The following GIPC2 variants were observed in gnomAD, a reference collection of about 807,000 sequenced individuals.
GIPC2 encodes the protein GIPC PDZ domain containing family member 2, also known as PDZ domain-containing protein GIPC2.
In GIPC2, 30 loss-of-function variants were observed where a neutral mutation model predicts 30.6. The observed-to-expected ratio is 0.98, with a 90% CI of 0.73 to 1.33. The LOEUF (loss-of-function observed/expected upper bound fraction) is 1.33, where lower values mean the gene tolerates loss of function less well. Ranked by LOEUF, GIPC2 falls within the 40% of genes most tolerant of loss-of-function variation. The pLI is 0.00. For missense variants in GIPC2, 414 were observed against 390.3 expected (o/e 1.06, Z -0.51); for synonymous variants, 167 against 150.0 (o/e 1.11, Z -0.83).
chr1:78,117,153 AC>A (rs1444026052), intron 3 of GIPC2, among the ~76,000 whole-genome samples: 4 of 152,234 alleles, frequency 2.6e-5, no homozygotes, highest in Non-Finnish European at 5.9e-5. Flanking sequence ...CAAGAAAAAA[AC>A]AACCTCATGA....
chr1:78,062,334 G>A (rs1412758620), intron 1 of GIPC2, among the ~76,000 whole-genome samples: 1 of 152,036 alleles, frequency 6.6e-6, no homozygotes, highest in Non-Finnish European at 1.5e-5. Flanking sequence ...TTCTGGGTGT[G>A]GTTGGGTATT....
intron 3 of GIPC2, among the ~76,000 whole-genome samples, chr1:78,110,384 A>G (rs1009829222): frequency 1.3e-5 from 2 of 152,198 alleles, no homozygotes; most frequent in African/African-American, 4.8e-5. Context: ...GAAATCACCC[A>G]ATATTTAAAA....
chr1:78,074,218 C>A (rs967262604), intron 1 of GIPC2, among the ~76,000 whole-genome samples: 1 of 151,914 alleles, frequency 6.6e-6, no homozygotes, highest in Admixed American at 6.6e-5. Flanking sequence ...TAAATTGAGC[C>A]TTTTTATTTA....
chr1:78,065,772 A>G (rs931651995), intron 1 of GIPC2, among the ~76,000 whole-genome samples: 3 of 152,234 alleles, frequency 2.0e-5, no homozygotes, highest in Admixed American at 6.5e-5. Context: ...GGTCCTTGAC[A>G]TACCTGACAA....
At chr1:78,058,062 A>G (rs984448940) in intron 1 of GIPC2, among the ~76,000 whole-genome samples, 6 of 152,220 alleles carry the variant, frequency 3.9e-5, no homozygotes, top group Non-Finnish European at 7.3e-5. Context: ...CATCATTTAT[A>G]TGGCCACTCT....
At chr1:78,117,410 TC>T (rs1254702567) in intron 3 of GIPC2, among the ~76,000 whole-genome samples, 1 of 152,160 alleles carries the variant, frequency 6.6e-6, no homozygotes, top group East Asian at 1.9e-4. Flanking sequence ...ACAATTTTTT[TC>T]CACAGATGGG....
chr1:78,110,600 G>T (rs960633707), intron 3 of GIPC2, among the ~76,000 whole-genome samples: 3 of 152,218 alleles, frequency 2.0e-5, no homozygotes, highest in African/African-American at 7.2e-5. Flanking sequence ...TTCTGGAAGG[G>T]ATAGAGAACG....
At chr1:78,049,428 G>A (rs751159126) in intron 1 of GIPC2, among the ~76,000 whole-genome samples, 3 of 152,106 alleles carry the variant, frequency 2.0e-5, no homozygotes, top group Non-Finnish European at 2.9e-5. Context: ...CCCAAAGTGC[G>A]TGAACCACCA....
At chr1:78,054,241 A>G (rs1443898580) in intron 1 of GIPC2, among the ~76,000 whole-genome samples, 1 of 152,190 alleles carries the variant, frequency 6.6e-6, no homozygotes, top group Non-Finnish European at 1.5e-5. Context: ...ATTTGCACAT[A>G]AGATTGAATT....
chr1:78,095,494 T>G (rs1557541019), intron 3 of GIPC2, among the ~76,000 whole-genome samples: 1 of 152,214 alleles, frequency 6.6e-6, no homozygotes, highest in Non-Finnish European at 1.5e-5. Context: ...TAATAACTGT[T>G]GCTCATGGAT....
At chr1:78,100,977 CACACAT>C (rs1326217840) in intron 3 of GIPC2, among the ~76,000 whole-genome samples, 5 of 146,324 alleles carry the variant, frequency 3.4e-5, no homozygotes, top group African/African-American at 1.0e-4. Flanking sequence ...CACACACACA[CACACAT>C]ACACACGAGG....
At chr1:78,066,014 A>G (rs186879112) in intron 1 of GIPC2, among the ~76,000 whole-genome samples, 7 of 152,356 alleles carry the variant, frequency 4.6e-5, no homozygotes, top group Admixed American at 4.6e-4. Flanking sequence ...CATCAAAAGC[A>G]ATTGCAAGAA....
intron 2 of GIPC2, chr1:78,092,032 C>T (rs1005535081): frequency 2.7e-5 from 42 of 1,529,520 alleles, no homozygotes; most frequent in African/African-American, 4.1e-5. Context: ...GACTCATCGC[C>T]CTCCTGTCTA....
At chr1:78,060,430 C>A (rs1465128848) in intron 1 of GIPC2, among the ~76,000 whole-genome samples, 1 of 152,116 alleles carries the variant, frequency 6.6e-6, no homozygotes, top group East Asian at 1.9e-4. Context: ...TAGGTGTGTA[C>A]CACTGCAGCC....
intron 3 of GIPC2, among the ~76,000 whole-genome samples, chr1:78,100,111 A>C (rs773385302): frequency 3.3e-5 from 5 of 152,236 alleles, no homozygotes; most frequent in African/African-American, 4.8e-5. Flanking sequence ...AGGAGATCAT[A>C]AATGTTCTAT....
intron 4 of GIPC2, among the ~76,000 whole-genome samples, chr1:78,122,540 G>A (rs1171893327): frequency 6.6e-6 from 1 of 152,190 alleles, no homozygotes; most frequent in African/African-American, 2.4e-5. Context: ...GGTGGCAGGA[G>A]AGAGTGAGTG....
chr1:78,075,328 T>C (rs1359207843), intron 1 of GIPC2, among the ~76,000 whole-genome samples: 1 of 152,090 alleles, frequency 6.6e-6, no homozygotes, highest in African/African-American at 2.4e-5. Context: ...TGGTAGTATG[T>C]GCCTGTGGTC....
chr1:78,091,691 A>C (rs1222511985), intron 2 of GIPC2: 1 of 773,398 alleles, frequency 1.3e-6, no homozygotes, highest in East Asian at 2.4e-5. Flanking sequence ...CTATAGTGTG[A>C]TGACCCTAGA....
chr1:78,080,135 A>T (rs1296001657), intron 1 of GIPC2, among the ~76,000 whole-genome samples: 1 of 152,180 alleles, frequency 6.6e-6, no homozygotes, highest in Non-Finnish European at 1.5e-5. Flanking sequence ...AATTGTCTAT[A>T]TTTAAAAATG....
Sources: gnomAD v4.1 joint callset for allele counts (sites outside exome capture counted in the v4.1 genomes callset) on GRCh38, gnomAD v4.1.1 for gene constraint, MANE v1.5 for transcripts, NCBI Gene and HGNC (gene_info 2026-07-23, HGNC 2026-07-21) for gene names.